Variants in RNF123 observed in about 807,000 individuals in gnomAD.
RNF123 encodes E3 ubiquitin-protein ligase RNF123.
In RNF123, 86 loss-of-function variants were observed where a neutral mutation model predicts 168.5. The observed-to-expected ratio is 0.51, with a 90% confidence interval of 0.43 to 0.61. The LOEUF (loss-of-function observed/expected upper bound fraction) is 0.61, where lower values mean the gene tolerates loss of function less well. Ranked by LOEUF, RNF123 falls within the 20% of genes least tolerant of loss-of-function variation. RNF123 has a pLI of 0.00. For synonymous variants in RNF123, 666 were observed against 689.1 expected, an observed-to-expected ratio of 0.97 and a Z score of 0.52; for missense variants, 1,419 against 1,729.7, an observed-to-expected ratio of 0.82 and a Z score of 3.19.
Position 49,715,957 on chromosome 3 carries a change from T to C in RNF123, c.3286T>C (p.Phe1096Leu), listed in dbSNP as rs769382738. The C allele has an allele frequency of 7.9e-5, 127 of 1,613,922 alleles. 2 individuals are homozygous for C. The South Asian group carries it at 1.3e-3, about 16-fold the overall frequency. ...GACTATCACACTGGTGCCTGAGATA[T>C]TCCTTGACTGGACCCGGCCTACCTC... Reference protein sequence around the residue: ...EMTITLVPEIFLDWTRPTSEM... With the variant: ...EMTITLVPEILLDWTRPTSEM... The change falls in exon 33 of 39, where the codon TTC (phenylalanine) becomes CTC (leucine). Residue 1096 changes from phenylalanine (F) to leucine (L), a missense_variant. Around this residue, in one of 5 missense-constraint regions of RNF123, gnomAD observed 538 missense variants for 708.8 expected, o/e 0.76. Transcript: ENST00000327697.
At chr3:49,704,608 G>C (rs1171546316) in intron 21 of RNF123, 42 bp from the exon 22 acceptor site, 2 of 1,543,464 alleles carry the variant, frequency 1.3e-6, no homozygotes, top group East Asian at 2.3e-5. Context: ...GTGGCCCCTT[G>C]CGCCACCACT....
rs2054342876 is a variant in RNF123, at chr3:49,699,876, A to G, written c.984+104A>G. The G allele has an allele frequency of 1.6e-6, 2 of 1,224,634 alleles. No homozygotes were observed. Among genetic ancestry groups the G allele is most frequent in the Non-Finnish European group, 2.3e-6 (2 of 854,268 alleles). The allele number at this position is 1,224,634 out of a possible 1,614,324, so 75.9% of individuals were successfully genotyped here. A position where few individuals can be genotyped will look rare whatever the true frequency, so the allele number is the denominator to read the frequency against. On this transcript the variant is annotated intron_variant, in intron 12 of 38. Transcript: ENST00000327697. This position sits in a 1 kb window ranked among gnomAD's most constrained non-coding sequence, Gnocchi z 4.8. The stretch of plus-strand genomic sequence containing the variant: ...GAGGGCTGCAGTGCTGAGGTCCCAC[A>G]GCATCACCTGGCGAGGGCCCCATGT...
At chr3:49,717,908 G>A (rs1259681690) in intron 35 of RNF123, 3 of 1,573,024 alleles carry the variant, frequency 1.9e-6, no homozygotes, top group East Asian at 2.2e-5. Context: ...AGCAGGGCGA[G>A]CAGCAAGAGG....
At chr3:49,692,483 T>C (rs996565036) in intron 3 of RNF123, among the ~76,000 whole-genome samples, 2 of 152,234 alleles carry the variant, frequency 1.3e-5, no homozygotes, top group Non-Finnish European at 2.9e-5. Flanking sequence ...TTTTGTCTTA[T>C]AAACAATCTA....
At chr3:49,692,241 C>G (rs576652071) in intron 3 of RNF123, among the ~76,000 whole-genome samples, 1 of 152,222 alleles carries the variant, frequency 6.6e-6, no homozygotes, top group Non-Finnish European at 1.5e-5. Flanking sequence ...GAGCAAGACC[C>G]TGTCTCTAAA....
chr3:49,697,838 G>A (rs775434787), intron 5 of RNF123, 47 bp from the exon 6 acceptor site: 1 of 1,611,302 alleles, frequency 6.2e-7, no homozygotes, highest in Non-Finnish European at 8.5e-7. Context: ...TTGGGGAGAT[G>A]CTCTGTGTGC....
In RNF123 at chr3:49,714,008, C is replaced by T; in HGVS notation, c.2925+11C>T. On this transcript the variant is annotated intron_variant, in intron 30 of 38. Coordinates refer to ENST00000327697, the MANE Select transcript of RNF123 (RefSeq NM_022064.5). ...GTGCGGCTCTGGAGGGTAAGCCTGA[C>T]TCGAGGGGAAGTGGCTGAGGCTGGC... is the stretch of plus-strand genomic sequence containing the variant. The T allele has an allele frequency of 5.6e-6, 9 of 1,614,028 alleles. No individual in the cohort carries two copies. Among genetic ancestry groups the T allele is most frequent in the Non-Finnish European group, 7.6e-6 (9 of 1,179,962 alleles).
At chr3:49,700,795 A>T in intron 15 of RNF123, 86 bp downstream of exon 15, 1 of 1,435,800 alleles carries the variant, frequency 7.0e-7, no homozygotes, top group Non-Finnish European at 9.8e-7. Flanking sequence ...TCATCAGGCC[A>T]GGGGTCCCCT....
chr3:49,712,757 C>T (rs1322264921), intron 27 of RNF123, 101 bp downstream of exon 27: 1 of 1,316,540 alleles, frequency 7.6e-7, no homozygotes, highest in Non-Finnish European at 1.1e-6. Context: ...CAACACACTT[C>T]TGTGGGGGGC....
rs781467153 is a variant in RNF123 at position 49,712,586 on chromosome 3, C to T, written c.2604C>T (p.Ser868=). 6.2e-6 allele frequency: 10 copies of T among 1,614,108 alleles called. 1 individual carries two copies. The highest frequency in any genetic ancestry group is 3.3e-4 in the Middle Eastern group (2 of 6,084). The change falls in exon 27 of 39, where the codon AGC becomes AGT. Residue 868 remains serine, a synonymous_variant. Coordinates refer to ENST00000327697, the MANE Select transcript of RNF123 (RefSeq NM_022064.5). ...CCTTCATGCCCGAGTTCTACCTGAG[C>T]GTGGCCATCAACAGCTACAGTGCTC... The part of the protein sequence containing the change: ...LFAFMPEFYL[S]VAINSYSALK...
intron 35 of RNF123, 109 bp from the exon 36 acceptor site, chr3:49,720,401 CA>C (rs1482576361): frequency 9.9e-6 from 11 of 1,116,264 alleles, no homozygotes; most frequent in East Asian, 2.6e-5. Flanking sequence ...GGAAAGGATG[CA>C]GGGGGGGTGA....
chr3:49,712,944 G>A, intron 27 of RNF123: 5 of 703,022 alleles, frequency 7.1e-6, no homozygotes, highest in Admixed American at 2.0e-5. Context: ...ATGAGCAACT[G>A]CCATGGTCCA....
At chr3:49,696,693 G>A (rs1414714357) in intron 3 of RNF123, among the ~76,000 whole-genome samples, 1 of 142,256 alleles carries the variant, frequency 7.0e-6, no homozygotes, top group Non-Finnish European at 1.5e-5. Flanking sequence ...TGCCCGGGCT[G>A]AAGTACAATG....
chr3:49,710,103 G>A (rs896075471), intron 26 of RNF123, among the ~76,000 whole-genome samples: 2 of 139,972 alleles, frequency 1.4e-5, no homozygotes, highest in Non-Finnish European at 3.2e-5. Flanking sequence ...CCCAAAGTGC[G>A]GGGATTATAG....
rs1279347201 is a variant in RNF123 at position 49,702,654 on chromosome 3, C to T, written c.1651C>T (p.Pro551Ser). 3 of 1,614,230 alleles carry T rather than the reference C, an allele frequency of 1.9e-6. No individual in the cohort carries two copies. The highest frequency in any genetic ancestry group is 1.3e-5 in the African/African-American group (1 of 75,058). ...GRGNMPMLCP[P>S]EYMVCFLHRL... ...ACAGAACATGCCCATGCTCTGCCCC[C>T]CTGAGTACATGGTCTGCTTCTTACA... The change falls in exon 20 of 39, where the codon CCT (proline) becomes TCT (serine). Residue 551 changes from proline (P) to serine (S), a missense_variant. Physicochemically the swap from Pro to Ser is moderately conservative, Grantham distance 74. Around this residue, in one of 5 missense-constraint regions of RNF123, gnomAD observed 349 missense variants for 344.9 expected, o/e 1.01. Coordinates refer to ENST00000327697, the MANE Select transcript of RNF123 (RefSeq NM_022064.5).
chr3:49,703,238 CAG>C, intron 20 of RNF123, among the ~76,000 whole-genome samples, 187 bp from the exon 21 acceptor site: 1 of 152,244 alleles, frequency 6.6e-6, no homozygotes, highest in African/African-American at 2.4e-5. Flanking sequence ...CCTGAAATGG[CAG>C]GGGTGGAGAA....
chr3:49,720,871 G>T lies in RNF123; in HGVS notation c.3715G>T (p.Ala1239Ser). 1 of 1,614,156 alleles carries T rather than the reference G, an allele frequency of 6.2e-7. No homozygotes were observed. The highest frequency in any genetic ancestry group is 8.5e-7 in the Non-Finnish European group (1 of 1,180,032). The change falls in exon 37 of 39, where the codon GCC becomes TCC. Residue 1239 changes from alanine (A) to serine (S), a missense_variant. By Grantham distance (99) the Ala-to-Ser change is moderately conservative. Around this residue, in one of 5 missense-constraint regions of RNF123, gnomAD observed 164 missense variants for 152.3 expected, o/e 1.08. Coordinates refer to ENST00000327697, the MANE Select transcript of RNF123 (RefSeq NM_022064.5). ...QMLAHLTSAS[A>S]QAAAASLPTS... is the part of the protein sequence containing the mutation. The stretch of plus-strand genomic sequence containing the variant: ...GCTGGCGCACCTGACCTCTGCATCT[G>T]CCCAGGCAGCAGCTGCCTCCCTGGT...
chr3:49,715,192 T>C (rs1488465315), intron 31 of RNF123, among the ~76,000 whole-genome samples: 1 of 152,228 alleles, frequency 6.6e-6, no homozygotes, highest in Non-Finnish European at 1.5e-5. Context: ...GAGTAGGCTC[T>C]TGGAGGAGCT....
intron 5 of RNF123, 89 bp from the exon 6 acceptor site, chr3:49,697,796 G>T: frequency 2.6e-6 from 4 of 1,511,338 alleles, no homozygotes; most frequent in Non-Finnish European, 3.7e-6. Context: ...TACCACCAGG[G>T]CTGGCTCAGT....
Sources: allele counts gnomAD v4.1 joint callset (sites outside exome capture counted in the v4.1 genomes callset), GRCh38; gene constraint gnomAD v4.1.1; regional missense constraint gnomAD v4.1.1; non-coding constraint Gnocchi (gnomAD v3.1); transcripts MANE v1.5; gene names NCBI Gene and HGNC (gene_info 2026-07-23, HGNC 2026-07-21).